Variants in PDCD6 observed in about 807,000 individuals in gnomAD.
PDCD6 encodes the protein programmed cell death 6.
Under a neutral mutation model 28.3 loss-of-function variants are expected in PDCD6, and 12 were observed. The ratio of observed to expected loss-of-function variants is 0.42; its 90% confidence interval spans 0.27 to 0.69. PDCD6 has a LOEUF of 0.69. Ranked by LOEUF, PDCD6 falls within the 30% of genes least tolerant of loss-of-function variation. The pLI is 0.22. For synonymous variants in PDCD6, 92 were observed against 108.0 expected, an observed-to-expected ratio of 0.85 and a Z score of 0.92; for missense variants, 226 against 269.9, an observed-to-expected ratio of 0.84 and a Z score of 1.14.
At position 304,139 on chromosome 5, in the gene PDCD6, T is replaced by C. The variant is rs774372141; in HGVS notation, c.164-38T>C. On this transcript the variant is annotated intron_variant, in intron 2 of 5. Transcript: ENST00000264933. ...ACAAACTCAGTGTCCCAGAAAGATT[T>C]TCCTTTTACTTTAACTCCTGTTGTT... 6.9e-6 allele frequency: 8 copies of C among 1,157,588 alleles called. No individual in the cohort carries two copies. The South Asian group carries it at 7.9e-5, about 11-fold the overall frequency. 71.7% of individuals were successfully genotyped at this position (1,157,588 alleles called of 1,614,324 possible). A position where few individuals can be genotyped will look rare whatever the true frequency, so the allele number is the denominator to read the frequency against.
chr5:302,109 C>T (rs1351963572), intron 2 of PDCD6, among the ~76,000 whole-genome samples: 5 of 45,602 alleles, frequency 1.1e-4, no homozygotes, highest in Non-Finnish European at 1.6e-4. Context: ...TGTGTGTGTG[C>T]CTTGGGTTCA....
intron 2 of PDCD6, among the ~76,000 whole-genome samples, chr5:295,676 G>A (rs1157732617): frequency 4.1e-5 from 6 of 146,594 alleles, no homozygotes; most frequent in Non-Finnish European, 9.1e-5. Flanking sequence ...CACCTTCGGT[G>A]GGTGGTCCCT....
At chr5:291,654 C>G (rs972268567) in intron 2 of PDCD6, among the ~76,000 whole-genome samples, 2 of 150,270 alleles carry the variant, frequency 1.3e-5, no homozygotes, top group Non-Finnish European at 3.0e-5. Flanking sequence ...TGAGACCCAC[C>G]CACACTGACA....
intron 2 of PDCD6, among the ~76,000 whole-genome samples, chr5:281,268 G>T (rs1381656163): frequency 6.6e-6 from 1 of 152,272 alleles, no homozygotes; most frequent in Non-Finnish European, 1.5e-5. Context: ...TTCGTAAGAA[G>T]GGATTGGTCA....
At chr5:283,387 A>AGGATCTTGTAGCTGCAGACCTGGAG (rs1163802094) in intron 2 of PDCD6, among the ~76,000 whole-genome samples, 38 of 149,886 alleles carry the variant, frequency 2.5e-4, no homozygotes, top group African/African-American at 8.5e-4. Context: ...TTCTAGTTTG[A>AGGATCTTGTAGCTGCAGACCTGGAG]ATGTCTTGCA....
chr5:288,288 T>TA (rs1209761136), intron 2 of PDCD6, among the ~76,000 whole-genome samples: 4 of 88,712 alleles, frequency 4.5e-5, no homozygotes, highest in African/African-American at 1.3e-4. Context: ...AAATAATATA[T>TA]ATATTATATA....
chr5:304,835 C>G (rs1477774887), intron 3 of PDCD6: 2 of 152,068 alleles, frequency 1.3e-5, no homozygotes, highest in African/African-American at 4.8e-5. Flanking sequence ...AGGGTCTCCC[C>G]AGCTGTATAG....
At chr5:283,811 G>A (rs1442016952) in intron 2 of PDCD6, among the ~76,000 whole-genome samples, 1 of 150,682 alleles carries the variant, frequency 6.6e-6, no homozygotes, top group Non-Finnish European at 1.5e-5. Flanking sequence ...TCAGTTTGAA[G>A]GTCTTGCAGC....
At chr5:288,270 CCCCCT>C (rs1400211880) in intron 2 of PDCD6, among the ~76,000 whole-genome samples, 1 of 142,608 alleles carries the variant, frequency 7.0e-6, no homozygotes, top group Non-Finnish European at 1.5e-5. Context: ...ATAACATTTC[CCCCCT>C]TAAAATAATA....
chr5:301,785 C>G (rs1030083911), intron 2 of PDCD6, among the ~76,000 whole-genome samples: 770 of 75,666 alleles, frequency 0.01, no homozygotes, highest in Middle Eastern at 0.021. Context: ...GAGTGCTGCT[C>G]TGTGTGTATG....
chr5:307,001 T>A lies in PDCD6; in HGVS notation c.367+241T>A, dbSNP rs1188913592. ...GGCTATGCAAGCCGTTCATCTTTTCTGAAGTGGAATGATGTCGTGAGCAAA... is the reference window on the plus strand; with the variant it reads ...GGCTATGCAAGCCGTTCATCTTTTCAGAAGTGGAATGATGTCGTGAGCAAA... On this transcript the variant is annotated intron_variant, in intron 4 of 5. Coordinates refer to ENST00000264933, the MANE Select transcript of PDCD6 (RefSeq NM_013232.4). The surrounding 1 kb of genome is among the most constrained non-coding windows in gnomAD (Gnocchi z 6.1). 6.6e-6 allele frequency among the ~76,000 whole-genome samples: 1 copy of A among 152,234 alleles called. No individual in the cohort carries two copies. The highest frequency in any genetic ancestry group is 1.5e-5 in the Non-Finnish European group (1 of 68,042).
intron 2 of PDCD6, chr5:276,821 A>T: frequency 8.1e-6 from 8 of 985,428 alleles, no homozygotes; most frequent in Non-Finnish European, 9.6e-6. Context: ...TTCCTTCATG[A>T]GACTTGTTTG....
chr5:281,499 C>G (rs1738560289), intron 2 of PDCD6, among the ~76,000 whole-genome samples: 1 of 152,068 alleles, frequency 6.6e-6, no homozygotes, highest in Non-Finnish European at 1.5e-5. Flanking sequence ...CTGTGAGGGT[C>G]GTGGAGCTGG....
At chr5:288,603 CAAAA>C (rs778110630) in intron 2 of PDCD6, among the ~76,000 whole-genome samples, 36 of 135,692 alleles carry the variant, frequency 2.7e-4, no homozygotes, top group Non-Finnish European at 3.9e-4. Flanking sequence ...TTGCCCAGAC[CAAAA>C]GAAAGAAAGA....
chr5:284,437 T>TCCAG (rs1738794725), intron 2 of PDCD6, among the ~76,000 whole-genome samples: 2 of 151,426 alleles, frequency 1.3e-5, no homozygotes, highest in African/African-American at 4.8e-5. Context: ...CAGCTGGAGA[T>TCCAG]CTGGCAGGAG....
chr5:303,870 T>C (rs1740294472), intron 2 of PDCD6, among the ~76,000 whole-genome samples: 3 of 149,490 alleles, frequency 2.0e-5, no homozygotes, highest in South Asian at 4.2e-4. Flanking sequence ...GTGTGTAAAA[T>C]GATACAGAAC....
At chr5:272,278 C>G (rs7721724) in intron 1 of PDCD6, among the ~76,000 whole-genome samples, 1 of 127,516 alleles carries the variant, frequency 7.8e-6, no homozygotes, top group Admixed American at 7.6e-5. Context: ...ATGTCAGCAG[C>G]CAAGGAAGAA....
At chr5:309,000 C>T (rs1293900760) in intron 4 of PDCD6, 1 of 154,018 alleles carries the variant, frequency 6.5e-6, no homozygotes, top group Non-Finnish European at 1.4e-5. Context: ...TGAGATTCTC[C>T]CCTCTGGTGG....
chr5:288,814 A>C, intron 2 of PDCD6: 2 of 1,274,744 alleles, frequency 1.6e-6, no homozygotes, highest in Non-Finnish European at 2.1e-6. Context: ...AAAATACTGC[A>C]TCTAAATGTT....
Sources: allele counts gnomAD v4.1 joint callset (sites outside exome capture counted in the v4.1 genomes callset), GRCh38; gene constraint gnomAD v4.1.1; non-coding constraint Gnocchi (gnomAD v3.1); transcripts MANE v1.5; gene names NCBI Gene and HGNC (gene_info 2026-07-23, HGNC 2026-07-21).